Variants in POFUT3 observed in about 807,000 individuals in gnomAD.
The protein encoded by POFUT3 is protein O-fucosyltransferase 3, also known as GDP-fucose protein O-fucosyltransferase 3.
the POFUT3 span, among the ~76,000 whole-genome samples, chr8:33,347,913 C>T: frequency 6.6e-6 from 1 of 152,202 alleles, no homozygotes; most frequent in Non-Finnish European, 1.5e-5. Flanking sequence ...TGTGGTGGCT[C>T]ACACCTGTAA....
At chr8:33,441,910 A>C in the POFUT3 span, among the ~76,000 whole-genome samples, 1 of 152,148 alleles carries the variant, frequency 6.6e-6, no homozygotes, top group Admixed American at 6.6e-5. Flanking sequence ...TCCCAATGCC[A>C]GCCAGAGGGG....
At chr8:33,397,647 G>C in the POFUT3 span, among the ~76,000 whole-genome samples, 1 of 152,116 alleles carries the variant, frequency 6.6e-6, no homozygotes. Context: ...TCATGATGAG[G>C]CTATATAACT....
the POFUT3 span, among the ~76,000 whole-genome samples, chr8:33,414,250 T>C: frequency 6.6e-6 from 1 of 152,096 alleles, no homozygotes; most frequent in Non-Finnish European, 1.5e-5. Flanking sequence ...CCTGGGAGAC[T>C]TTATCTGCAT....
chr8:33,358,222 C>T, the POFUT3 span, among the ~76,000 whole-genome samples: 1 of 152,132 alleles, frequency 6.6e-6, no homozygotes, highest in African/African-American at 2.4e-5. Context: ...CATTGCACTC[C>T]AGCCTGGGCA....
At chr8:33,448,651 C>G in the POFUT3 span, among the ~76,000 whole-genome samples, 1 of 151,894 alleles carries the variant, frequency 6.6e-6, no homozygotes, top group Non-Finnish European at 1.5e-5. Flanking sequence ...CTCTAAGTCT[C>G]GGCAGGGCAT....
chr8:33,334,516 G>A, the POFUT3 span, among the ~76,000 whole-genome samples: 2 of 152,064 alleles, frequency 1.3e-5, no homozygotes, highest in African/African-American at 2.4e-5. Context: ...GTACCCGGCC[G>A]AGTTGCAGAT....
the POFUT3 span, among the ~76,000 whole-genome samples, chr8:33,413,363 T>TTC: frequency 5.4e-5 from 8 of 148,984 alleles, no homozygotes; most frequent in Admixed American, 2.7e-4. Context: ...CTCACTCTCT[T>TTC]TCTCTCTCTC....
chr8:33,424,939 A>G, the POFUT3 span, among the ~76,000 whole-genome samples: 69 of 152,340 alleles, frequency 4.5e-4, no homozygotes, highest in African/African-American at 1.6e-3. Context: ...CAAAGTGAGC[A>G]AAATCAGAAA....
At chr8:33,330,833 A>G in the POFUT3 span, among the ~76,000 whole-genome samples, 2 of 152,006 alleles carry the variant, frequency 1.3e-5, no homozygotes, top group Non-Finnish European at 2.9e-5. Flanking sequence ...CAGGCGTGCC[A>G]TGGTGTTTCA....
At chr8:33,416,427 A>G in the POFUT3 span, among the ~76,000 whole-genome samples, 8 of 152,244 alleles carry the variant, frequency 5.3e-5, no homozygotes, top group South Asian at 1.7e-3. Context: ...AAATACAAAA[A>G]TTAGCCAGAT....
At chr8:33,367,023 C>T in the POFUT3 span, among the ~76,000 whole-genome samples, 1 of 152,100 alleles carries the variant, frequency 6.6e-6, no homozygotes, top group African/African-American at 2.4e-5. Context: ...GTGGGTGGAT[C>T]ACCTGAGGTC....
the POFUT3 span, among the ~76,000 whole-genome samples, chr8:33,399,822 T>C: frequency 6.6e-6 from 1 of 151,738 alleles, no homozygotes; most frequent in Non-Finnish European, 1.5e-5. Context: ...CCCGGCTAAT[T>C]TTTGTATTTT....
At chr8:33,346,751 C>T in the POFUT3 span, among the ~76,000 whole-genome samples, 1 of 152,068 alleles carries the variant, frequency 6.6e-6, no homozygotes, top group Non-Finnish European at 1.5e-5. Flanking sequence ...CAAAGAAAGA[C>T]ATGAGCCCCC....
the POFUT3 span, among the ~76,000 whole-genome samples, chr8:33,358,308 T>C: frequency 6.6e-6 from 1 of 152,314 alleles, no homozygotes; most frequent in African/African-American, 2.4e-5. Flanking sequence ...TAAATGTTTT[T>C]GACTCTTCAG....
the POFUT3 span, among the ~76,000 whole-genome samples, chr8:33,403,473 T>C: frequency 2.0e-5 from 3 of 152,144 alleles, no homozygotes; most frequent in Non-Finnish European, 2.9e-5. Context: ...CCCAGTACTT[T>C]GGGAGGCCGA....
chr8:33,385,735 T>A, the POFUT3 span, among the ~76,000 whole-genome samples: 5,844 of 151,836 alleles, frequency 0.038, 365 homozygotes, highest in African/African-American at 0.13. Context: ...TACAAAAAAA[T>A]TAGCTGGGCA....
the POFUT3 span, among the ~76,000 whole-genome samples, chr8:33,345,101 T>G: frequency 6.6e-6 from 1 of 152,232 alleles, no homozygotes; most frequent in East Asian, 1.9e-4. Context: ...TCTTATGGAC[T>G]AAAATTGTTT....
At chr8:33,332,488 G>GAAA in the POFUT3 span, among the ~76,000 whole-genome samples, 2 of 61,260 alleles carry the variant, frequency 3.3e-5, no homozygotes, top group Non-Finnish European at 3.9e-5. Context: ...CTGTCTGAAA[G>GAAA]AAAAAAAAAA....
the POFUT3 span, among the ~76,000 whole-genome samples, chr8:33,459,383 G>A: frequency 8.6e-5 from 13 of 152,016 alleles, no homozygotes; most frequent in African/African-American, 3.1e-4. Flanking sequence ...GCTCACACCT[G>A]CAATCTCAGT....
Sources: gnomAD v4.1 joint callset for allele counts (sites outside exome capture counted in the v4.1 genomes callset) on GRCh38, gnomAD v4.1.1 for gene constraint, MANE v1.5 for transcripts, NCBI Gene and HGNC (gene_info 2026-07-23, HGNC 2026-07-21) for gene names.